Variants in LRMDA observed in about 807,000 individuals in gnomAD.
The protein encoded by LRMDA is leucine-rich melanocyte differentiation-associated protein.
A neutral mutation model predicts 29.8 loss-of-function variants in LRMDA; 18 were observed. The ratio of observed to expected loss-of-function variants is 0.60; its 90% confidence interval spans 0.42 to 0.90. The LOEUF is 0.90. LRMDA is among the 40% of genes least tolerant of loss of function. The pLI, the probability that LRMDA is intolerant of heterozygous loss-of-function variation, is 0.00. For missense variants in LRMDA, 273 were observed against 273.9 expected (o/e 1.00, Z 0.02); for synonymous variants, 125 against 109.4 (o/e 1.14, Z -0.89).
chr10:76,096,570 G>A (rs1849314737), intron 5 of LRMDA, among the ~76,000 whole-genome samples: 1 of 151,868 alleles, frequency 6.6e-6, no homozygotes, highest in Non-Finnish European at 1.5e-5. Flanking sequence ...GTACTTTTTT[G>A]ACAAATTATT....
intron 2 of LRMDA, among the ~76,000 whole-genome samples, chr10:76,000,547 G>C (rs1273549491): frequency 6.6e-6 from 1 of 152,196 alleles, no homozygotes; most frequent in African/African-American, 2.4e-5. Flanking sequence ...TTTATCTTTG[G>C]AGATTTTGGA....
At chr10:76,516,974 C>A (rs1205859441) in intron 6 of LRMDA, among the ~76,000 whole-genome samples, 1 of 151,836 alleles carries the variant, frequency 6.6e-6, no homozygotes, top group African/African-American at 2.4e-5. Context: ...ACTTTAAAAC[C>A]CACAGTTAAA....
At chr10:76,504,720 A>G (rs76940977) in intron 6 of LRMDA, among the ~76,000 whole-genome samples, 4,589 of 152,178 alleles carry the variant, frequency 0.03, 160 homozygotes, top group African/African-American at 0.078. Flanking sequence ...TCTCTAAATG[A>G]TGGCAGAGAG....
intron 2 of LRMDA, among the ~76,000 whole-genome samples, chr10:75,936,333 C>T (rs1846292757): frequency 2.0e-5 from 3 of 152,138 alleles, no homozygotes; most frequent in Admixed American, 6.5e-5. Flanking sequence ...TGCTTTACTT[C>T]TCCAGAGTCT....
chr10:75,851,719 G>T (rs1844736089), intron 2 of LRMDA, among the ~76,000 whole-genome samples: 1 of 152,172 alleles, frequency 6.6e-6, no homozygotes, highest in Non-Finnish European at 1.5e-5. Flanking sequence ...TAAATCAAAT[G>T]AAATCCACTT....
intron 6 of LRMDA, among the ~76,000 whole-genome samples, chr10:76,404,033 GC>G (rs1484131289): frequency 6.6e-6 from 1 of 151,820 alleles, no homozygotes; most frequent in Non-Finnish European, 1.5e-5. Context: ...TTTCGCAACT[GC>G]CCCCTTCACC....
chr10:76,073,035 C>G (rs536425109), intron 5 of LRMDA, among the ~76,000 whole-genome samples: 18 of 152,276 alleles, frequency 1.2e-4, no homozygotes, highest in South Asian at 2.1e-4. Context: ...TACCACCCCC[C>G]ACAAACCTCC....
At chr10:75,905,864 C>T (rs979744190) in intron 2 of LRMDA, among the ~76,000 whole-genome samples, 1 of 152,146 alleles carries the variant, frequency 6.6e-6, no homozygotes, top group Non-Finnish European at 1.5e-5. Flanking sequence ...CTAAGGCATT[C>T]AGCCGAGCCA....
At chr10:76,115,303 A>G (rs1205180892) in intron 5 of LRMDA, among the ~76,000 whole-genome samples, 1 of 152,284 alleles carries the variant, frequency 6.6e-6, no homozygotes, top group East Asian at 1.9e-4. Flanking sequence ...TCTTCAGTAC[A>G]AGCACAGATG....
At chr10:75,438,551 C>A in intron 2 of LRMDA, 57 bp downstream of exon 2, 2 of 1,336,950 alleles carry the variant, frequency 1.5e-6, no homozygotes, top group Non-Finnish European at 1.0e-6. Context: ...CTCCTGGGTA[C>A]TTTAGGGCCA....
chr10:76,268,507 G>A (rs1158262257), intron 5 of LRMDA, among the ~76,000 whole-genome samples: 2 of 152,072 alleles, frequency 1.3e-5, no homozygotes, highest in Non-Finnish European at 1.5e-5. Flanking sequence ...GATCAAACTC[G>A]ATCTGATGTA....
At chr10:76,452,947 G>C (rs1202972590) in intron 6 of LRMDA, among the ~76,000 whole-genome samples, 1 of 152,130 alleles carries the variant, frequency 6.6e-6, no homozygotes, top group Non-Finnish European at 1.5e-5. Flanking sequence ...AACTTTGTGT[G>C]AACAGGGTCT....
intron 2 of LRMDA, among the ~76,000 whole-genome samples, chr10:75,907,447 T>C (rs1448354825): frequency 6.6e-6 from 1 of 152,212 alleles, no homozygotes; most frequent in African/African-American, 2.4e-5. Context: ...CTAAACTCAT[T>C]CTGCTAAATG....
intron 3 of LRMDA, among the ~76,000 whole-genome samples, chr10:76,044,163 T>C (rs1848388369): frequency 6.6e-6 from 1 of 152,284 alleles, no homozygotes; most frequent in Admixed American, 6.5e-5. Context: ...GATCCAGACA[T>C]GAGTTCTAGT....
At chr10:75,807,860 A>G (rs747239295) in intron 2 of LRMDA, among the ~76,000 whole-genome samples, 7 of 152,236 alleles carry the variant, frequency 4.6e-5, no homozygotes, top group Non-Finnish European at 1.0e-4. Flanking sequence ...TTGAAATTAC[A>G]CAGCTACCAT....
intron 2 of LRMDA, among the ~76,000 whole-genome samples, chr10:75,822,034 T>G (rs1844170921): frequency 6.6e-6 from 1 of 152,152 alleles, no homozygotes; most frequent in Non-Finnish European, 1.5e-5. Context: ...AAAGTGGAAG[T>G]CAAATTATCT....
chr10:76,040,708 C>T (rs1848326186), intron 3 of LRMDA, among the ~76,000 whole-genome samples: 1 of 152,188 alleles, frequency 6.6e-6, no homozygotes, highest in Admixed American at 6.5e-5. Flanking sequence ...AGGTTGACCA[C>T]CTGAAAATTC....
chr10:75,618,748 A>G (rs1025859740), intron 2 of LRMDA, among the ~76,000 whole-genome samples: 9 of 148,626 alleles, frequency 6.1e-5, no homozygotes, highest in African/African-American at 2.2e-4. Context: ...GAAATTAAGG[A>G]AATCATAAGG....
chr10:75,780,725 G>GC (rs1843371583), intron 2 of LRMDA, among the ~76,000 whole-genome samples: 1 of 152,180 alleles, frequency 6.6e-6, no homozygotes, highest in Admixed American at 6.5e-5. Context: ...TCACTGGGCA[G>GC]CTGCTCAGAG....
Sources: gnomAD v4.1 joint callset for allele counts (sites outside exome capture counted in the v4.1 genomes callset) on GRCh38, gnomAD v4.1.1 for gene constraint, MANE v1.5 for transcripts, NCBI Gene and HGNC (gene_info 2026-07-23, HGNC 2026-07-21) for gene names.